Variants in NEO1 observed in about 807,000 individuals in gnomAD.
The protein encoded by NEO1 is neogenin.
NEO1 carries 63 observed loss-of-function variants against 159.7 expected under a neutral mutation model. The ratio of observed to expected loss-of-function variants is 0.39; its 90% CI spans 0.32 to 0.49. The LOEUF (loss-of-function observed/expected upper bound fraction) is 0.49. NEO1 is among the 20% of genes least tolerant of loss of function. NEO1 has a pLI of 0.85. For missense variants in NEO1, 1,615 were observed against 1,831.0 expected, an observed-to-expected ratio of 0.88 and a Z score of 2.15; for synonymous variants, 633 against 662.0, an observed-to-expected ratio of 0.96 and a Z score of 0.67.
At chr15:73,129,837 G>A (rs1393941178) in intron 4 of NEO1, among the ~76,000 whole-genome samples, 1 of 152,134 alleles carries the variant, frequency 6.6e-6, no homozygotes, top group Non-Finnish European at 1.5e-5. Context: ...TGGGAAAATT[G>A]AGTAGATATA....
At chr15:73,107,626 T>C (rs6495054) in intron 1 of NEO1, among the ~76,000 whole-genome samples, 20,105 of 152,226 alleles carry the variant, frequency 0.13, 2,051 homozygotes, top group African/African-American at 0.28. Context: ...GACGGTGATG[T>C]TGCTAAAATG....
intron 7 of NEO1, among the ~76,000 whole-genome samples, chr15:73,228,546 G>GT (rs1045344007): frequency 2.0e-5 from 3 of 149,868 alleles, no homozygotes; most frequent in African/African-American, 7.4e-5. Context: ...GTTTTGGGTT[G>GT]TTTTTTGTTG....
At chr15:73,134,731 G>A (rs1397605209) in intron 4 of NEO1, among the ~76,000 whole-genome samples, 1 of 151,998 alleles carries the variant, frequency 6.6e-6, no homozygotes, top group Non-Finnish European at 1.5e-5. Context: ...TGTATTTTTA[G>A]TAGAGATGGG....
At chr15:73,093,345 C>T (rs2069803890) in intron 1 of NEO1, among the ~76,000 whole-genome samples, 1 of 152,140 alleles carries the variant, frequency 6.6e-6, no homozygotes, top group Non-Finnish European at 1.5e-5. Flanking sequence ...CCATGGGCAG[C>T]CTGCACTTCA....
In NEO1 at chr15:73,293,375, T is replaced by A. The variant is rs370508589; in HGVS notation, c.3743-15T>A. On this transcript the variant is annotated splice_polypyrimidine_tract_variant and intron_variant, in intron 25 of 28. Transcript: ENST00000261908. The stretch of plus-strand genomic sequence containing the variant: ...AAGCATGTTAAGCATTTCTCTGTCT[T>A]GTGTTCATTCACAGCTGTGATTAGT... 103 of 1,613,930 alleles carry A rather than the reference T, an allele frequency of 6.4e-5. No homozygotes were observed. The highest frequency in any genetic ancestry group is 4.9e-4 in the Middle Eastern group (3 of 6,084).
chr15:73,093,924 T>C (rs184352091), intron 1 of NEO1, among the ~76,000 whole-genome samples: 1 of 152,180 alleles, frequency 6.6e-6, no homozygotes, highest in East Asian at 1.9e-4. Context: ...CATACCTCCA[T>C]CATTGTGCTT....
chr15:73,115,984 T>A (rs2071287678), intron 1 of NEO1, among the ~76,000 whole-genome samples: 1 of 152,186 alleles, frequency 6.6e-6, no homozygotes, highest in Non-Finnish European at 1.5e-5. Flanking sequence ...GCTTAAAATT[T>A]ATTCTTATAA....
intron 22 of NEO1, among the ~76,000 whole-genome samples, chr15:73,281,640 C>G (rs2041721185): frequency 6.6e-6 from 1 of 152,112 alleles, no homozygotes; most frequent in South Asian, 2.1e-4. Flanking sequence ...TGGCAGGATG[C>G]CTCTTAAGTA....
chr15:73,217,892 T>C (rs1389684746), intron 7 of NEO1, among the ~76,000 whole-genome samples: 1 of 152,320 alleles, frequency 6.6e-6, no homozygotes, highest in Non-Finnish European at 1.5e-5. Flanking sequence ...ATTGACTTCC[T>C]CTTTTCCTGA....
chr15:73,164,503 C>T (rs2034433089), intron 5 of NEO1, among the ~76,000 whole-genome samples: 1 of 152,172 alleles, frequency 6.6e-6, no homozygotes, highest in African/African-American at 2.4e-5. Flanking sequence ...GCATAAGCCA[C>T]CACGCCCAGC....
intron 7 of NEO1, among the ~76,000 whole-genome samples, chr15:73,179,921 A>C (rs1439975905): frequency 4.0e-5 from 6 of 151,652 alleles, no homozygotes; most frequent in Admixed American, 6.6e-5. Flanking sequence ...TAACATTTAG[A>C]TTGTCACCTG....
chr15:73,272,194 A>C (rs1043524955), intron 18 of NEO1, among the ~76,000 whole-genome samples: 2 of 152,168 alleles, frequency 1.3e-5, no homozygotes, highest in Non-Finnish European at 1.5e-5. Flanking sequence ...TGACTTTCCT[A>C]CCTAATTATC....
intron 1 of NEO1, among the ~76,000 whole-genome samples, chr15:73,092,866 CT>C: frequency 6.6e-6 from 1 of 152,266 alleles, no homozygotes. Context: ...ATTAGTAAAC[CT>C]ATATTGATAT....
intron 26 of NEO1, among the ~76,000 whole-genome samples, chr15:73,293,762 T>G (rs2042247752): frequency 6.6e-6 from 1 of 152,222 alleles, no homozygotes; most frequent in Non-Finnish European, 1.5e-5. Context: ...AGGTTTTCTT[T>G]TAGTAAAAAC....
In NEO1 at chr15:73,091,024, C is replaced by G. The variant is rs531201924; in HGVS notation, c.131-25516C>G. 2.1e-3 allele frequency among the ~76,000 whole-genome samples: 322 copies of G among 152,290 alleles called. 2 individuals carry two copies. Among genetic ancestry groups the G allele is most frequent in the African/African-American group, 7.4e-3 (307 of 41,556 alleles). ...AATAAGTAATTTGCCCAAGGCCACA[C>G]AGATACAGCAAATGGCAGAACTGGG... is the stretch of plus-strand genomic sequence containing the variant. On this transcript the variant is annotated intron_variant, in intron 1 of 28. Transcript: ENST00000261908.
chr15:73,067,481 G>A (rs1173480171), intron 1 of NEO1, among the ~76,000 whole-genome samples: 8 of 149,024 alleles, frequency 5.4e-5, no homozygotes, highest in Non-Finnish European at 1.2e-4. Context: ...ACAGAGTCTC[G>A]CTGTGTTGCC....
At chr15:73,132,441 A>C (rs906918710) in intron 4 of NEO1, among the ~76,000 whole-genome samples, 1 of 152,212 alleles carries the variant, frequency 6.6e-6, no homozygotes, top group Non-Finnish European at 1.5e-5. Context: ...AAATTCTAGA[A>C]GATAACATTC....
chr15:73,295,450 T>C (rs1314987337), intron 26 of NEO1, among the ~76,000 whole-genome samples: 1 of 150,438 alleles, frequency 6.6e-6, no homozygotes, highest in Non-Finnish European at 1.5e-5. Flanking sequence ...CCTTCCTCCT[T>C]CCTCCTGGGT....
In NEO1 at chr15:73,273,816, A is replaced by G. The variant is rs752835933; in HGVS notation, c.2971A>G (p.Ile991Val). Residue 991 changes from isoleucine (I) to valine (V), a missense_variant, in exon 20 of 29, where the codon ATC becomes GTC. By Grantham distance (29) the Ile-to-Val change is conservative (BLOSUM62 3). This residue lies in a region of NEO1 where 126 missense variants were observed against 216.7 expected (regional missense o/e 0.58). Transcript: ENST00000261908. Reference protein sequence around the residue: ...SEANGKITGYIIYYSTDVNAE... With the variant: ...SEANGKITGYVIYYSTDVNAE... ...CCATTAATTCCTTTGGACAGGTTAC[A>G]TCATATATTACAGTACAGATGTGAA... The G allele has an allele frequency of 6.2e-7, 1 of 1,611,156 alleles. No homozygotes were observed. Among genetic ancestry groups the G allele is most frequent in the South Asian group, 1.1e-5 (1 of 90,496 alleles).
Sources: allele counts gnomAD v4.1 joint callset (sites outside exome capture counted in the v4.1 genomes callset), GRCh38; gene constraint gnomAD v4.1.1; regional missense constraint gnomAD v4.1.1; transcripts MANE v1.5; gene names NCBI Gene and HGNC (gene_info 2026-07-23, HGNC 2026-07-21).